The following NAA35 variants were observed in gnomAD, a reference collection of about 807,000 sequenced individuals.
NAA35 encodes the protein N-alpha-acetyltransferase 35, NatC auxiliary subunit.
In NAA35, 18 loss-of-function variants were observed where a neutral mutation model predicts 101.7. That is an observed-to-expected ratio of 0.18 (90% CI 0.12 to 0.26). NAA35 has a LOEUF of 0.26. Among genes scored for constraint, NAA35 ranks in the 10% least tolerant of loss-of-function variants. The pLI is 1.00. For missense variants in NAA35, 601 were observed against 886.8 expected (o/e 0.68, Z 4.09); for synonymous variants, 267 against 273.1 (o/e 0.98, Z 0.22).
At chr9:85,980,973 A>G (rs931351480) in intron 11 of NAA35, among the ~76,000 whole-genome samples, 1 of 151,856 alleles carries the variant, frequency 6.6e-6, no homozygotes, top group African/African-American at 2.4e-5. Context: ...TTCCACACCT[A>G]CCCTCCATTT....
At chr9:86,008,781 G>C (rs903787634) in intron 14 of NAA35, among the ~76,000 whole-genome samples, 1 of 152,142 alleles carries the variant, frequency 6.6e-6, no homozygotes, top group Non-Finnish European at 1.5e-5. Flanking sequence ...CTTTGTAAGT[G>C]ATTTGAAACT....
At chr9:85,982,918 G>T (rs1371203671) in intron 11 of NAA35, among the ~76,000 whole-genome samples, 1 of 152,188 alleles carries the variant, frequency 6.6e-6, no homozygotes, top group Non-Finnish European at 1.5e-5. Flanking sequence ...TTTAGCCACT[G>T]ATAGAGGAAG....
intron 17 of NAA35, chr9:86,014,357 A>G (rs1181307404): frequency 2.0e-6 from 2 of 982,100 alleles, no homozygotes; most frequent in Non-Finnish European, 2.4e-6. Context: ...GAGTTGATAA[A>G]AGATGATCTT....
At position 86,006,797 on chromosome 9, in the gene NAA35, T is replaced by C. The variant is rs140712431; in HGVS notation, c.1117-561T>C. On this transcript the variant is annotated intron_variant, in intron 13 of 22. Coordinates refer to ENST00000361671, the MANE Select transcript of NAA35 (RefSeq NM_024635.4). ...TACAACAAACATGTAAATTTTACCA[T>C]ATGTAAATTTTAAAATTTAAAAACA... Among the ~76,000 whole-genome samples the C allele has an allele frequency of 5.2e-3, 790 of 152,300 alleles. 4 individuals carry two copies. Among genetic ancestry groups the C allele is most frequent in the African/African-American group, 0.018 (754 of 41,568 alleles).
chr9:85,956,668 T>G (rs577860594), intron 3 of NAA35, among the ~76,000 whole-genome samples: 2 of 152,172 alleles, frequency 1.3e-5, no homozygotes. Flanking sequence ...ATAAAAGATA[T>G]CAGTTGTATG....
chr9:85,987,446 A>T (rs1483575423), intron 11 of NAA35, among the ~76,000 whole-genome samples: 1 of 152,224 alleles, frequency 6.6e-6, no homozygotes, highest in Non-Finnish European at 1.5e-5. Context: ...TGTGCAACAG[A>T]GGTAGAGCTG....
intron 1 of NAA35, 175 bp downstream of exon 1, chr9:85,941,448 C>T: frequency 2.0e-6 from 2 of 985,478 alleles, no homozygotes; most frequent in Non-Finnish European, 2.4e-6. Flanking sequence ...CGGCCGAGGC[C>T]CCACTCTTGC....
At chr9:85,963,205 T>C (rs533228653) in intron 6 of NAA35, among the ~76,000 whole-genome samples, 72 of 151,974 alleles carry the variant, frequency 4.7e-4, no homozygotes, top group African/African-American at 1.6e-3. Flanking sequence ...ATTTATACTA[T>C]GTATGTGAGA....
intron 11 of NAA35, among the ~76,000 whole-genome samples, chr9:85,980,745 G>C (rs895685716): frequency 3.9e-5 from 6 of 152,152 alleles, no homozygotes; most frequent in Admixed American, 1.3e-4. Context: ...CTGTTGTAAA[G>C]TTTACAGTGG....
Position 86,023,334 on chromosome 9 carries a change from G to A in NAA35, c.*1374G>A, listed in dbSNP as rs747295999. ...CTGTTACTGATGTAGTTACTTTGTT[G>A]AGAATGAAAACTGTTTCTGGCTGGT... On this transcript the variant is annotated 3_prime_UTR_variant, in exon 23 of 23. Coordinates refer to ENST00000361671, the MANE Select transcript of NAA35 (RefSeq NM_024635.4). Among the ~76,000 whole-genome samples, 12 of 152,136 alleles carry A rather than the reference G, an allele frequency of 7.9e-5. No homozygotes were observed. The highest frequency in any genetic ancestry group is 1.3e-4 in the Non-Finnish European group (9 of 68,026).
intron 8 of NAA35, among the ~76,000 whole-genome samples, chr9:85,975,842 G>A (rs1362799591): frequency 6.6e-6 from 1 of 152,140 alleles, no homozygotes; most frequent in Non-Finnish European, 1.5e-5. Flanking sequence ...AGCTGGTACA[G>A]TGTCTGGAAC....
At chr9:86,009,075 T>C (rs1831779710) in intron 14 of NAA35, among the ~76,000 whole-genome samples, 1 of 152,226 alleles carries the variant, frequency 6.6e-6, no homozygotes, top group Admixed American at 6.5e-5. Context: ...TGTGAGAAAG[T>C]TCTTCCTCTT....
intron 2 of NAA35, 89 bp downstream of exon 2, chr9:85,942,372 C>CCTGTTGATT: frequency 6.6e-7 from 1 of 1,522,108 alleles, no homozygotes; most frequent in African/African-American, 1.4e-5. Context: ...TAGATGAAAT[C>CCTGTTGATT]AACAGGTAAA....
intron 21 of NAA35, among the ~76,000 whole-genome samples, chr9:86,020,533 T>C (rs1361893583): frequency 6.6e-6 from 1 of 152,206 alleles, no homozygotes; most frequent in Non-Finnish European, 1.5e-5. Context: ...ATACAAAGTT[T>C]CTATTAGTAT....
rs1256904566 is a variant in NAA35, at chr9:86,024,859, G to GTAAC, written c.*2902_*2905dup. 6.6e-6 allele frequency among the ~76,000 whole-genome samples: 1 copy of GTAAC among 152,174 alleles called. No individual in the cohort carries two copies. Among genetic ancestry groups the GTAAC allele is most frequent in the Admixed American group, 6.5e-5 (1 of 15,282 alleles). On this transcript the variant is annotated 3_prime_UTR_variant, in exon 23 of 23. Transcript: ENST00000361671. ...GGGGTGGAGATGAACTGAGGACTCA[G>GTAAC]TAACTATAGTCACTGTAATTTTCTG...
In NAA35 at chr9:86,003,572, A is replaced by G. The variant is rs759410037; in HGVS notation, c.1057-13A>G. 2.6e-6 allele frequency: 4 copies of G among 1,547,512 alleles called. No homozygotes were observed. Among genetic ancestry groups the G allele is most frequent in the Non-Finnish European group, 3.5e-6 (4 of 1,128,518 alleles). On this transcript the variant is annotated splice_polypyrimidine_tract_variant and intron_variant, in intron 12 of 22. Transcript: ENST00000361671. ...CTATTAATGACATTGCTTTTTCTTT[A>G]TATATCTGTTAGGATTTTTTCTGTG...
At chr9:85,963,714 T>C (rs367551099) in intron 6 of NAA35, among the ~76,000 whole-genome samples, 26 of 152,168 alleles carry the variant, frequency 1.7e-4, no homozygotes, top group African/African-American at 5.5e-4. Context: ...GTTAGAGATA[T>C]ACAGATTATT....
chr9:85,967,301 A>G (rs1231463871), intron 6 of NAA35, among the ~76,000 whole-genome samples: 1 of 152,150 alleles, frequency 6.6e-6, no homozygotes, highest in Non-Finnish European at 1.5e-5. Context: ...ACATGGAGAA[A>G]TGCATATGTC....
At chr9:85,987,377 A>G (rs1235375240) in intron 11 of NAA35, among the ~76,000 whole-genome samples, 1 of 152,232 alleles carries the variant, frequency 6.6e-6, no homozygotes, top group African/African-American at 2.4e-5. Flanking sequence ...CTTGGTGCCA[A>G]AGACAAAACT....
Sources: allele counts gnomAD v4.1 joint callset (sites outside exome capture counted in the v4.1 genomes callset), GRCh38; gene constraint gnomAD v4.1.1; transcripts MANE v1.5; gene names NCBI Gene and HGNC (gene_info 2026-07-23, HGNC 2026-07-21).